The following APP variants were observed in gnomAD, a reference collection of about 807,000 sequenced individuals.
The protein encoded by APP is amyloid-beta precursor protein.
APP carries 31 observed loss-of-function variants against 101.4 expected under a neutral mutation model. That is an observed-to-expected ratio of 0.31 (90% CI 0.23 to 0.41). The LOEUF (loss-of-function observed/expected upper bound fraction) is 0.41, where lower values mean the gene tolerates loss of function less well. Among genes scored for constraint, APP ranks in the 10% least tolerant of loss-of-function variants. The pLI is 1.00. For missense variants in APP, 839 were observed against 1,003.7 expected (o/e 0.84, Z 2.22); for synonymous variants, 366 against 364.4 (o/e 1.00, Z -0.05).
intron 11 of APP, among the ~76,000 whole-genome samples, chr21:25,957,366 A>C (rs1324051779): frequency 6.6e-6 from 1 of 152,220 alleles, no homozygotes; most frequent in East Asian, 1.9e-4. Flanking sequence ...AATTAAAAAA[A>C]AAGAACATTT....
At chr21:25,953,153 G>C (rs529689580) in intron 13 of APP, among the ~76,000 whole-genome samples, 1 of 151,986 alleles carries the variant, frequency 6.6e-6, no homozygotes, top group African/African-American at 2.4e-5. Context: ...GGCTGGTTTC[G>C]AACTCCTGGC....
intron 2 of APP, 71 bp from the exon 3 acceptor site, chr21:26,090,143 C>A: frequency 1.2e-6 from 2 of 1,601,428 alleles, no homozygotes; most frequent in East Asian, 2.2e-5. Flanking sequence ...ATCTAACAAG[C>A]CTCCACTGTA....
At chr21:25,972,666 G>T (rs2042076683) in intron 11 of APP, among the ~76,000 whole-genome samples, 1 of 151,828 alleles carries the variant, frequency 6.6e-6, no homozygotes, top group African/African-American at 2.4e-5. Flanking sequence ...CTCCTGAGTT[G>T]CTGGGATTGC....
chr21:26,015,688 C>T (rs866620530), intron 6 of APP, among the ~76,000 whole-genome samples: 1 of 149,458 alleles, frequency 6.7e-6, no homozygotes, highest in Non-Finnish European at 1.5e-5. Flanking sequence ...TATCTCTAAC[C>T]AAAAAAAAAC....
At chr21:26,080,734 C>A (rs1245578371) in intron 3 of APP, among the ~76,000 whole-genome samples, 1 of 149,380 alleles carries the variant, frequency 6.7e-6, no homozygotes, top group African/African-American at 2.5e-5. Context: ...CGCACCACTG[C>A]ACTCCAGCCT....
At chr21:25,927,599 C>A (rs2067594) in intron 13 of APP, among the ~76,000 whole-genome samples, 1 of 152,130 alleles carries the variant, frequency 6.6e-6, no homozygotes, top group Non-Finnish European at 1.5e-5. Context: ...ATGTCTAAAT[C>A]GGGGTTTATT....
chr21:25,955,652 T>G lies in APP; in HGVS notation c.1562A>C (p.Lys521Thr). 6.2e-7 allele frequency: 1 copy of G among 1,614,206 alleles called. No homozygotes were observed. Among genetic ancestry groups the G allele is most frequent in the Non-Finnish European group, 8.5e-7 (1 of 1,180,034 alleles). Residue 521 changes from lysine (K) to threonine (T), a missense_variant, in exon 12 of 18, where the codon AAG (lysine) becomes ACG (threonine). Physicochemically the swap from Lys to Thr is moderately conservative, Grantham distance 78 (BLOSUM62 -1). Coordinates refer to ENST00000346798, the MANE Select transcript of APP (RefSeq NM_000484.4). Reference protein sequence around the residue: ...HFEHVRMVDPKKAAQIRSQVM... With the variant: ...HFEHVRMVDPTKAAQIRSQVM... ...CTGGGACCGGATCTGAGCGGCTTTC[T>G]TGGGATCCACCATGCGCACATGCTC... is the stretch of plus-strand genomic sequence containing the variant.
chr21:26,091,987 C>G (rs1356920946), intron 2 of APP, among the ~76,000 whole-genome samples: 1 of 152,080 alleles, frequency 6.6e-6, no homozygotes, highest in Non-Finnish European at 1.5e-5. Context: ...GAGGGCTTGA[C>G]AAATCTAAAT....
At chr21:26,111,207 G>A (rs1044073822) in intron 2 of APP, among the ~76,000 whole-genome samples, 2 of 151,160 alleles carry the variant, frequency 1.3e-5, no homozygotes, top group Admixed American at 1.3e-4. Context: ...CAATGAAAAT[G>A]TTTATCAATA....
intron 5 of APP, among the ~76,000 whole-genome samples, chr21:26,026,585 A>C (rs1270380367): frequency 2.0e-5 from 3 of 152,240 alleles, no homozygotes; most frequent in Non-Finnish European, 2.9e-5. Context: ...CTGTTTATTA[A>C]AGTCATGCCA....
chr21:25,955,719 G>A lies in APP; in HGVS notation c.1495C>T (p.Arg499Cys), dbSNP rs1341026713. ...TGCTGTCTGTCCTTCTGTTCTGCGC[G>A]GACATACTTCTTTAGCATATTGAAC... ...HVFNMLKKYV[R>C]AEQKDRQHTL... The change falls in exon 12 of 18, where the codon CGC becomes TGC. Residue 499 changes from arginine to cysteine, a missense_variant. Arg to Cys is a radical substitution (Grantham distance 180). Coordinates refer to ENST00000346798, the MANE Select transcript of APP (RefSeq NM_000484.4). The A allele has an allele frequency of 6.2e-6, 10 of 1,614,008 alleles. No homozygotes were observed. Among genetic ancestry groups the A allele is most frequent in the African/African-American group, 2.7e-5 (2 of 74,904 alleles).
At chr21:25,959,016 GA>G (rs10718699) in intron 11 of APP, among the ~76,000 whole-genome samples, 152,326 of 152,326 alleles carry the variant, frequency 1, 76,163 homozygotes, top group Non-Finnish European at 1. Flanking sequence ...TGTTAGATTT[GA>G]AGAATGGGTT....
chr21:26,006,796 C>T (rs1382923828), intron 6 of APP, among the ~76,000 whole-genome samples: 3 of 152,100 alleles, frequency 2.0e-5, no homozygotes, highest in South Asian at 4.1e-4. Context: ...ATAATGCCTT[C>T]TTATGAAGCA....
chr21:25,941,158 A>C (rs1205736489), intron 13 of APP: 1 of 152,258 alleles, frequency 6.6e-6, no homozygotes, highest in East Asian at 1.9e-4. Flanking sequence ...AGACACATGT[A>C]ATAGGCCAAG....
chr21:25,959,979 C>G (rs1233602573), intron 11 of APP, among the ~76,000 whole-genome samples: 1 of 152,154 alleles, frequency 6.6e-6, no homozygotes, highest in Non-Finnish European at 1.5e-5. Flanking sequence ...TGTTCCCGGA[C>G]TGAACTGAGG....
At chr21:26,124,365 G>C (rs1033710806) in intron 1 of APP, among the ~76,000 whole-genome samples, 7 of 152,114 alleles carry the variant, frequency 4.6e-5, no homozygotes, top group Admixed American at 6.5e-5. Flanking sequence ...GCTCCTCCTA[G>C]AAAACAAGAA....
At chr21:25,945,553 A>C (rs1269141755) in intron 13 of APP, 1 of 158,238 alleles carries the variant, frequency 6.3e-6, no homozygotes, top group Non-Finnish European at 1.4e-5. Flanking sequence ...ACAAAGCTAC[A>C]ATAATCAAAA....
At chr21:26,047,722 A>C (rs909346398) in intron 5 of APP, among the ~76,000 whole-genome samples, 1 of 151,416 alleles carries the variant, frequency 6.6e-6, no homozygotes, top group African/African-American at 2.5e-5. Flanking sequence ...ATGGAAAAAT[A>C]AAGAGTGATA....
chr21:25,991,279 G>C (rs1234547747), intron 8 of APP, among the ~76,000 whole-genome samples: 1 of 196 alleles, frequency 5.1e-3, no homozygotes, highest in African/African-American at 0.028. Context: ...CTTCATCCCC[G>C]TAACTAAAAC....
Sources: allele counts gnomAD v4.1 joint callset (sites outside exome capture counted in the v4.1 genomes callset), GRCh38; gene constraint gnomAD v4.1.1; transcripts MANE v1.5; gene names NCBI Gene and HGNC (gene_info 2026-07-23, HGNC 2026-07-21).